Variants in CPA6 observed in about 807,000 individuals in gnomAD.
CPA6 encodes carboxypeptidase A6.
CPA6 carries 58 observed loss-of-function variants against 63.3 expected under a neutral mutation model. That is an observed-to-expected ratio of 0.92 (90% CI 0.74 to 1.14). CPA6 has a LOEUF of 1.14. Among genes scored for constraint, CPA6 ranks in the 50% most tolerant of loss-of-function variants. The pLI is 0.00. For missense variants in CPA6, 565 were observed against 526.6 expected (o/e 1.07, Z -0.71); for synonymous variants, 185 against 179.0 (o/e 1.03, Z -0.27).
chr8:67,535,700 T>G (rs1240632507), intron 2 of CPA6, among the ~76,000 whole-genome samples: 2 of 152,246 alleles, frequency 1.3e-5, no homozygotes, highest in East Asian at 3.8e-4. Flanking sequence ...GCAGAAGCTC[T>G]TCAGTTTAAT....
At chr8:67,630,140 T>TAATAATAA in intron 1 of CPA6, among the ~76,000 whole-genome samples, 1 of 149,750 alleles carries the variant, frequency 6.7e-6, no homozygotes, top group African/African-American at 2.5e-5. Flanking sequence ...ATAATAATAA[T>TAATAATAA]TTGTATTCAT....
At chr8:67,690,173 T>C (rs1474428575) in intron 1 of CPA6, among the ~76,000 whole-genome samples, 4 of 152,178 alleles carry the variant, frequency 2.6e-5, no homozygotes, top group Admixed American at 1.3e-4. Context: ...TGTGTGTTAC[T>C]CAGTTCTGTA....
intron 1 of CPA6, among the ~76,000 whole-genome samples, chr8:67,632,517 G>T (rs1254898552): frequency 6.6e-6 from 1 of 151,878 alleles, no homozygotes. Flanking sequence ...TCAGTATGTT[G>T]CCCAGGCTAC....
intron 8 of CPA6, among the ~76,000 whole-genome samples, chr8:67,456,257 T>A (rs567721274): frequency 6.6e-6 from 1 of 152,340 alleles, no homozygotes; most frequent in African/African-American, 2.4e-5. Context: ...ATTCTCAGAA[T>A]GCAGTTTTCC....
At chr8:67,571,556 A>G (rs377492470) in intron 2 of CPA6, among the ~76,000 whole-genome samples, 212 of 152,352 alleles carry the variant, frequency 1.4e-3, no homozygotes, top group African/African-American at 4.9e-3. Flanking sequence ...GAAATTTCAG[A>G]AAATTCACAA....
At chr8:67,476,771 C>T (rs183485737) in intron 8 of CPA6, among the ~76,000 whole-genome samples, 1 of 152,112 alleles carries the variant, frequency 6.6e-6, no homozygotes, top group African/African-American at 2.4e-5. Context: ...GAGCTCAATT[C>T]GTAATCTTGA....
chr8:67,492,217 C>G (rs1811621625), intron 6 of CPA6, among the ~76,000 whole-genome samples: 1 of 152,064 alleles, frequency 6.6e-6, no homozygotes, highest in Non-Finnish European at 1.5e-5. Context: ...GACCAACTTA[C>G]CAATACAGAT....
At chr8:67,619,066 T>C (rs1815020987) in intron 2 of CPA6, among the ~76,000 whole-genome samples, 2 of 152,258 alleles carry the variant, frequency 1.3e-5, no homozygotes, top group South Asian at 4.1e-4. Flanking sequence ...TTAACTATGC[T>C]TTGACAGTCT....
At chr8:67,731,199 C>A (rs1817699060) in intron 1 of CPA6, among the ~76,000 whole-genome samples, 1 of 152,116 alleles carries the variant, frequency 6.6e-6, no homozygotes, top group South Asian at 2.1e-4. Context: ...GTTATCCACC[C>A]TGTAATTAAA....
At chr8:67,529,416 G>T (rs567220642) in intron 2 of CPA6, among the ~76,000 whole-genome samples, 19 of 152,230 alleles carry the variant, frequency 1.2e-4, no homozygotes, top group African/African-American at 4.6e-4. Flanking sequence ...CCCTACACAG[G>T]CTCAGGAATC....
chr8:67,686,696 A>G (rs992227679), intron 1 of CPA6, among the ~76,000 whole-genome samples: 1 of 152,222 alleles, frequency 6.6e-6, no homozygotes, highest in Non-Finnish European at 1.5e-5. Context: ...GGATTTTGCT[A>G]TTTCAAACTG....
At chr8:67,629,496 AAT>A (rs1182281126) in intron 1 of CPA6, among the ~76,000 whole-genome samples, 3 of 150,832 alleles carry the variant, frequency 2.0e-5, no homozygotes, top group African/African-American at 7.3e-5. Flanking sequence ...AAAAAAAAAA[AAT>A]AAGACCCAAA....
chr8:67,615,902 C>A (rs908806902), intron 2 of CPA6, among the ~76,000 whole-genome samples: 1 of 152,206 alleles, frequency 6.6e-6, no homozygotes, highest in East Asian at 1.9e-4. Flanking sequence ...GCATTCCAGA[C>A]AAGAACAGCT....
At chr8:67,525,781 T>TA (rs1812349367) in intron 2 of CPA6, among the ~76,000 whole-genome samples, 1 of 152,144 alleles carries the variant, frequency 6.6e-6, no homozygotes, top group Non-Finnish European at 1.5e-5. Context: ...AACAGAAAGT[T>TA]AAATATTGCA....
At chr8:67,553,788 T>C (rs754711003) in intron 2 of CPA6, among the ~76,000 whole-genome samples, 1 of 152,170 alleles carries the variant, frequency 6.6e-6, no homozygotes, top group Non-Finnish European at 1.5e-5. Context: ...ATAAACAACA[T>C]GAATGACTTG....
intron 8 of CPA6, among the ~76,000 whole-genome samples, chr8:67,451,237 A>C (rs1810550799): frequency 6.6e-6 from 1 of 152,170 alleles, no homozygotes; most frequent in Non-Finnish European, 1.5e-5. Context: ...GAGCAAGCAA[A>C]GCTTCATCTG....
rs549017633 is a variant in CPA6 at position 67,600,008 on chromosome 8, C to G, written c.192+24168G>C. 6.4e-3 allele frequency among the ~76,000 whole-genome samples: 978 copies of G among 151,894 alleles called. 9 individuals carry two copies. The highest frequency in any genetic ancestry group is 0.022 in the African/African-American group (928 of 41,388). ...ATTTTGATAACAACAGTTATCAAAC[C>G]CTGGCTAACTGAAATGAATTAGGAA... On this transcript the variant is annotated intron_variant, in intron 2 of 10. Coordinates refer to ENST00000297770, the MANE Select transcript of CPA6 (RefSeq NM_020361.5).
At chr8:67,682,627 T>TA (rs1816621552) in intron 1 of CPA6, among the ~76,000 whole-genome samples, 1 of 152,244 alleles carries the variant, frequency 6.6e-6, no homozygotes, top group African/African-American at 2.4e-5. Flanking sequence ...TTTGTATTCT[T>TA]ATATTTCTGA....
intron 1 of CPA6, among the ~76,000 whole-genome samples, chr8:67,698,996 C>T (rs1816964938): frequency 6.6e-6 from 1 of 152,182 alleles, no homozygotes; most frequent in African/African-American, 2.4e-5. Context: ...GTGCAATCCA[C>T]TACATAGTTG....
Sources: allele counts gnomAD v4.1 joint callset (sites outside exome capture counted in the v4.1 genomes callset), GRCh38; gene constraint gnomAD v4.1.1; transcripts MANE v1.5; gene names NCBI Gene and HGNC (gene_info 2026-07-23, HGNC 2026-07-21).